The following DGKB variants were observed in gnomAD, a reference collection of about 807,000 sequenced individuals.
DGKB encodes the protein diacylglycerol kinase beta, also known as 90 kDa diacylglycerol kinase.
Under a neutral mutation model 114.3 loss-of-function variants are expected in DGKB, and 67 were observed. The observed-to-expected ratio is 0.59, with a 90% CI of 0.48 to 0.72. The LOEUF is 0.72. DGKB is among the 30% of genes least tolerant of loss of function. The pLI, the probability that DGKB is intolerant of heterozygous loss-of-function variation, is 0.00. For synonymous variants in DGKB, 398 were observed against 323.1 expected, an observed-to-expected ratio of 1.23 and a Z score of -2.49; for missense variants, 907 against 975.2, an observed-to-expected ratio of 0.93 and a Z score of 0.93.
rs1167714606 is a variant in DGKB at position 14,147,031 on chromosome 7, A to C, written c.*2100T>G. ...CGAACATAAAATAATTTGTGGCTTC[A>C]AAATATGTTTTTGACACAAAGCCTG... On this transcript the variant is annotated 3_prime_UTR_variant, in exon 26 of 26. Coordinates refer to ENST00000402815, the MANE Select transcript of DGKB (RefSeq NM_001350709.2). 1 of 152,196 alleles carries C rather than the reference A, an allele frequency of 6.6e-6. No individual in the cohort carries two copies. The highest frequency in any genetic ancestry group is 1.5e-5 in the Non-Finnish European group (1 of 68,012). 9.4% of individuals were successfully genotyped at this position (152,196 alleles called of 1,614,324 possible). A position where few individuals can be genotyped will look rare whatever the true frequency, so the allele number is the denominator to read the frequency against.
At chr7:14,407,771 A>C (rs979983876) in intron 21 of DGKB, among the ~76,000 whole-genome samples, 1 of 152,122 alleles carries the variant, frequency 6.6e-6, no homozygotes, top group Non-Finnish European at 1.5e-5. Flanking sequence ...GAATGAAGAC[A>C]AATGCTGTAA....
intron 16 of DGKB, among the ~76,000 whole-genome samples, chr7:14,610,296 T>A (rs1805299560): frequency 6.6e-6 from 1 of 152,048 alleles, no homozygotes; most frequent in Non-Finnish European, 1.5e-5. Context: ...CTGCATGTAC[T>A]GCACGAAATG....
At chr7:14,284,951 T>C (rs920114897) in intron 23 of DGKB, among the ~76,000 whole-genome samples, 1 of 151,606 alleles carries the variant, frequency 6.6e-6, no homozygotes, top group Non-Finnish European at 1.5e-5. Flanking sequence ...GCATGGCACA[T>C]GTATATGTAT....
intron 20 of DGKB, among the ~76,000 whole-genome samples, chr7:14,568,528 G>T (rs948887952): frequency 2.0e-5 from 3 of 152,172 alleles, no homozygotes; most frequent in African/African-American, 7.2e-5. Context: ...CCATTCAGTT[G>T]TTGAATAGAG....
chr7:14,403,642 T>C (rs1178456305), intron 21 of DGKB, among the ~76,000 whole-genome samples: 1 of 152,012 alleles, frequency 6.6e-6, no homozygotes, highest in African/African-American at 2.4e-5. Context: ...CCCTAATTAG[T>C]GTCCCATTGT....
chr7:14,870,480 T>C (rs1218705062), intron 1 of DGKB, among the ~76,000 whole-genome samples: 1 of 152,212 alleles, frequency 6.6e-6, no homozygotes, highest in Non-Finnish European at 1.5e-5. Context: ...CGAACTTTTG[T>C]TAACATTATA....
chr7:14,932,919 G>T (rs1236986196), intron 1 of DGKB, among the ~76,000 whole-genome samples: 2 of 152,186 alleles, frequency 1.3e-5, no homozygotes, highest in African/African-American at 4.8e-5. Context: ...CTTGGAAATT[G>T]CTATTTGGTC....
intron 2 of DGKB, among the ~76,000 whole-genome samples, chr7:14,769,228 G>GAGAA (rs371117893): frequency 0.17 from 19,651 of 119,012 alleles, 1,850 homozygotes; most frequent in South Asian, 0.22. Context: ...GAAAGAGAGA[G>GAGAA]AGAAAGAAAG....
At chr7:14,542,585 A>C (rs991994277) in intron 20 of DGKB, among the ~76,000 whole-genome samples, 1 of 152,228 alleles carries the variant, frequency 6.6e-6, no homozygotes, top group East Asian at 1.9e-4. Flanking sequence ...GGTCACCTGA[A>C]CCATCCTGTA....
intron 25 of DGKB, among the ~76,000 whole-genome samples, chr7:14,170,074 C>T (rs978981945): frequency 1.6e-4 from 23 of 146,852 alleles, no homozygotes; most frequent in Admixed American, 2.8e-4. Flanking sequence ...GTGGATGTTG[C>T]GGTGAGCCGA....
At chr7:14,605,888 C>T (rs1437203180) in intron 17 of DGKB, among the ~76,000 whole-genome samples, 9 of 152,106 alleles carry the variant, frequency 5.9e-5, no homozygotes. Flanking sequence ...TCCCATTTAA[C>T]TTCACAACTA....
At chr7:14,804,735 T>A (rs1842594927) in intron 2 of DGKB, among the ~76,000 whole-genome samples, 1 of 152,084 alleles carries the variant, frequency 6.6e-6, no homozygotes, top group African/African-American at 2.4e-5. Context: ...TGGGGAATAA[T>A]CCTCTACTCT....
intron 23 of DGKB, among the ~76,000 whole-genome samples, chr7:14,318,117 C>T (rs1806964099): frequency 1.2e-5 from 1 of 85,374 alleles, no homozygotes. Flanking sequence ...CTTCCTTACA[C>T]CTTATACAAA....
At chr7:14,816,910 T>C (rs1270935130) in intron 2 of DGKB, among the ~76,000 whole-genome samples, 1 of 152,224 alleles carries the variant, frequency 6.6e-6, no homozygotes, top group African/African-American at 2.4e-5. Flanking sequence ...CTGCTGCTAG[T>C]TGGACACACT....
intron 4 of DGKB, among the ~76,000 whole-genome samples, chr7:14,750,436 T>C (rs182869097): frequency 1.1e-4 from 17 of 152,286 alleles, no homozygotes; most frequent in Middle Eastern, 6.8e-3. Flanking sequence ...TTTGTAACCT[T>C]CGATGTTCAA....
intron 23 of DGKB, among the ~76,000 whole-genome samples, chr7:14,186,963 C>T (rs111355284): frequency 0.019 from 2,890 of 151,930 alleles, 77 homozygotes; most frequent in African/African-American, 0.067. Context: ...CAAATAACCA[C>T]TAAAAAACTT....
chr7:14,955,666 G>C (rs573353747), intron 1 of DGKB, among the ~76,000 whole-genome samples: 34 of 152,156 alleles, frequency 2.2e-4, no homozygotes, highest in African/African-American at 7.5e-4. Flanking sequence ...AGAAAGAAAT[G>C]CTTGAAAACT....
At chr7:14,715,085 G>C (rs752407762) in intron 6 of DGKB, among the ~76,000 whole-genome samples, 3 of 152,074 alleles carry the variant, frequency 2.0e-5, no homozygotes. Flanking sequence ...TCCTGAGGAA[G>C]TTTTAAAAAT....
rs570213244 is a variant in DGKB at position 14,760,706 on chromosome 7, C to T, written c.71-2975G>A. Among the ~76,000 whole-genome samples, 179 of 152,140 alleles carry T rather than the reference C, an allele frequency of 1.2e-3. 1 individual carries two copies. The highest frequency in any genetic ancestry group is 3.4e-3 in the Middle Eastern group (1 of 294). ...CTTAGGCCAATGATAAAATGGAAGG[C>T]GGAGAAAACAATTTTGGTTTCTCCC... On this transcript the variant is annotated intron_variant, in intron 2 of 25. Transcript: ENST00000402815.
Sources: allele counts gnomAD v4.1 joint callset (sites outside exome capture counted in the v4.1 genomes callset), GRCh38; gene constraint gnomAD v4.1.1; transcripts MANE v1.5; gene names NCBI Gene and HGNC (gene_info 2026-07-23, HGNC 2026-07-21).